The following LRRTM4 variants were observed in gnomAD, a reference collection of about 807,000 sequenced individuals.
The protein encoded by LRRTM4 is leucine-rich repeat transmembrane neuronal protein 4.
LRRTM4 carries 25 observed loss-of-function variants against 47.6 expected under a neutral mutation model. That is an observed-to-expected ratio of 0.53 (90% confidence interval 0.38 to 0.73). The LOEUF is 0.73. Ranked by LOEUF, LRRTM4 falls within the 30% of genes least tolerant of loss-of-function variation. The pLI is 0.00. For synonymous variants in LRRTM4, 311 were observed against 269.5 expected, an observed-to-expected ratio of 1.15 and a Z score of -1.51; for missense variants, 638 against 713.4, an observed-to-expected ratio of 0.89 and a Z score of 1.20.
At chr2:76,909,228 A>T (rs1673961002) in intron 3 of LRRTM4, among the ~76,000 whole-genome samples, 1 of 152,220 alleles carries the variant, frequency 6.6e-6, no homozygotes, top group South Asian at 2.1e-4. Flanking sequence ...AACCTGAGAA[A>T]AACAAGCAAT....
intron 3 of LRRTM4, among the ~76,000 whole-genome samples, chr2:77,369,292 A>G (rs1672569945): frequency 6.6e-6 from 1 of 151,676 alleles, no homozygotes; most frequent in Non-Finnish European, 1.5e-5. Context: ...TTAGTTTGAT[A>G]TAGTCCCATT....
intron 3 of LRRTM4, among the ~76,000 whole-genome samples, chr2:76,920,349 T>A (rs1344861127): frequency 6.6e-6 from 1 of 152,184 alleles, no homozygotes; most frequent in Admixed American, 6.5e-5. Flanking sequence ...CCTTCTGTAA[T>A]ACCTTGAATC....
chr2:76,809,908 C>A (rs1670682246), intron 3 of LRRTM4, among the ~76,000 whole-genome samples: 1 of 152,118 alleles, frequency 6.6e-6, no homozygotes, highest in African/African-American at 2.4e-5. Flanking sequence ...TGGTACCTTT[C>A]CTCACTTTAT....
Position 76,962,994 on chromosome 2 carries a change from A to G in LRRTM4, c.1552-214078T>C, listed in dbSNP as rs556660117. 5.3e-5 allele frequency among the ~76,000 whole-genome samples: 8 copies of G among 151,064 alleles called. No individual in the cohort carries two copies. The South Asian group carries it at 1.2e-3, about 23-fold the overall frequency. On this transcript the variant is annotated intron_variant, in intron 3 of 3. Coordinates refer to ENST00000409884, the MANE Select transcript of LRRTM4 (RefSeq NM_001134745.3). The stretch of plus-strand genomic sequence containing the variant: ...CAATAAATCTCAATCATGATTATCA[A>G]TGAACAAAAGGTAGAACTCTGACAA...
intron 3 of LRRTM4, among the ~76,000 whole-genome samples, chr2:77,076,034 A>C (rs1680327526): frequency 6.6e-6 from 1 of 151,798 alleles, no homozygotes; most frequent in Admixed American, 6.6e-5. Flanking sequence ...CATTTATATC[A>C]GTACTTTCTC....
chr2:77,181,109 G>T (rs1673335457), intron 3 of LRRTM4, among the ~76,000 whole-genome samples: 1 of 152,096 alleles, frequency 6.6e-6, no homozygotes, highest in Admixed American at 6.6e-5. Context: ...TTCTAGCAAA[G>T]GATGACATAA....
chr2:77,379,552 T>A (rs1286113542), intron 3 of LRRTM4, among the ~76,000 whole-genome samples: 1 of 152,160 alleles, frequency 6.6e-6, no homozygotes, highest in Non-Finnish European at 1.5e-5. Context: ...AATATTTATG[T>A]TTACAGTTAA....
chr2:77,502,979 T>C (rs1678631006), intron 3 of LRRTM4, among the ~76,000 whole-genome samples: 2 of 149,926 alleles, frequency 1.3e-5, no homozygotes, highest in African/African-American at 4.9e-5. Context: ...CATCCATGAA[T>C]GGAGATTGTA....
chr2:76,852,393 T>C (rs1161204380), intron 3 of LRRTM4, among the ~76,000 whole-genome samples: 5 of 152,176 alleles, frequency 3.3e-5, no homozygotes, highest in Non-Finnish European at 7.4e-5. Flanking sequence ...TTTCTGACTA[T>C]GCAAATTGTA....
chr2:77,028,890 C>G (rs1035912757), intron 3 of LRRTM4, among the ~76,000 whole-genome samples: 11 of 151,058 alleles, frequency 7.3e-5, no homozygotes, highest in African/African-American at 2.7e-4. Context: ...AAAAAATTAG[C>G]TGAGCGTGGT....
intron 3 of LRRTM4, among the ~76,000 whole-genome samples, chr2:77,297,045 C>T (rs773608835): frequency 1.4e-4 from 21 of 152,020 alleles, no homozygotes; most frequent in Non-Finnish European, 2.6e-4. Context: ...TCCAGTATGC[C>T]GGCATTAGTA....
intron 3 of LRRTM4, among the ~76,000 whole-genome samples, chr2:77,262,409 A>T (rs1258799700): frequency 1.3e-5 from 2 of 151,816 alleles, no homozygotes; most frequent in African/African-American, 4.8e-5. Context: ...TTAACATCTC[A>T]CATTAGTATG....
At chr2:76,750,549 C>A (rs534803920) in intron 3 of LRRTM4, among the ~76,000 whole-genome samples, 1 of 152,206 alleles carries the variant, frequency 6.6e-6, no homozygotes, top group Admixed American at 6.5e-5. Context: ...ATGTTTGAAT[C>A]CTTCTGTATC....
intron 3 of LRRTM4, among the ~76,000 whole-genome samples, chr2:76,793,200 T>C (rs943764562): frequency 6.6e-6 from 1 of 152,198 alleles, no homozygotes; most frequent in Non-Finnish European, 1.5e-5. Context: ...CTCTAGGTTT[T>C]ACAGAAAACA....
At chr2:77,268,733 G>T (rs1676117229) in intron 3 of LRRTM4, among the ~76,000 whole-genome samples, 2 of 152,094 alleles carry the variant, frequency 1.3e-5, no homozygotes. Context: ...TAAGTAATCT[G>T]TCTTCTCCCT....
intron 3 of LRRTM4, among the ~76,000 whole-genome samples, chr2:76,925,491 G>A (rs1674562010): frequency 1.3e-5 from 2 of 152,260 alleles, no homozygotes; most frequent in East Asian, 1.9e-4. Flanking sequence ...GATAAAAAAT[G>A]AGTGTTGATG....
intron 3 of LRRTM4, among the ~76,000 whole-genome samples, chr2:76,759,988 T>G (rs1673193781): frequency 6.6e-6 from 1 of 152,202 alleles, no homozygotes; most frequent in Non-Finnish European, 1.5e-5. Flanking sequence ...CAAAGTAAGC[T>G]TCACGATGTC....
intron 3 of LRRTM4, among the ~76,000 whole-genome samples, chr2:76,904,541 A>T (rs1410742151): frequency 1.3e-5 from 2 of 152,214 alleles, no homozygotes; most frequent in African/African-American, 4.8e-5. Context: ...GAAACATTAT[A>T]TATCTCTGTC....
chr2:77,082,797 C>T (rs144005630), intron 3 of LRRTM4, among the ~76,000 whole-genome samples: 7 of 152,050 alleles, frequency 4.6e-5, no homozygotes, highest in Admixed American at 2.0e-4. Flanking sequence ...TATGATGTCA[C>T]GTATTTGCTC....
Sources: gnomAD v4.1 joint callset for allele counts (sites outside exome capture counted in the v4.1 genomes callset) on GRCh38, gnomAD v4.1.1 for gene constraint, MANE v1.5 for transcripts, NCBI Gene and HGNC (gene_info 2026-07-23, HGNC 2026-07-21) for gene names.